SLC25A48: variants seen among roughly 807,000 people sequenced by gnomAD.
The protein encoded by SLC25A48 is solute carrier family 25 member 48, also known as CTC-321K16.1.
SLC25A48 carries 29 observed loss-of-function variants against 32.2 expected under a neutral mutation model. The ratio of observed to expected loss-of-function variants is 0.90; its 90% CI spans 0.67 to 1.23. The LOEUF (loss-of-function observed/expected upper bound fraction) is 1.23, where lower values mean the gene tolerates loss of function less well. SLC25A48 is among the 50% of genes most tolerant of loss of function. SLC25A48 has a pLI of 0.00. For missense variants in SLC25A48, 399 were observed against 422.7 expected (o/e 0.94, Z 0.49); for synonymous variants, 164 against 172.3 (o/e 0.95, Z 0.38).
intron 3 of SLC25A48, among the ~76,000 whole-genome samples, chr5:135,701,789 C>G (rs1391684645): frequency 6.6e-6 from 1 of 152,164 alleles, no homozygotes; most frequent in East Asian, 1.9e-4. Context: ...TGGGTGAACT[C>G]GAGATGGAAC....
chr5:135,819,900 G>A (rs984873250), intron 4 of SLC25A48, among the ~76,000 whole-genome samples: 1 of 152,048 alleles, frequency 6.6e-6, no homozygotes, highest in African/African-American at 2.4e-5. Context: ...CACGAGAATG[G>A]CAGAAGTTAA....
At chr5:135,756,530 G>C (rs547813360) in intron 3 of SLC25A48, among the ~76,000 whole-genome samples, 2 of 152,012 alleles carry the variant, frequency 1.3e-5, no homozygotes, top group African/African-American at 2.4e-5. Context: ...AATTATCTGG[G>C]CGTGGTGGTG....
At chr5:135,718,889 G>A (rs1194406090) in intron 3 of SLC25A48, among the ~76,000 whole-genome samples, 1 of 152,242 alleles carries the variant, frequency 6.6e-6, no homozygotes, top group Non-Finnish European at 1.5e-5. Context: ...GGGCCCTGTG[G>A]CTTTGGAGCT....
chr5:135,601,920 A>C (rs897139035), intron 1 of SLC25A48, among the ~76,000 whole-genome samples: 29 of 152,290 alleles, frequency 1.9e-4, no homozygotes, highest in African/African-American at 6.3e-4. Flanking sequence ...TCTTTTTATA[A>C]AACATGGTTA....
At chr5:135,619,173 T>A (rs1752263616) in intron 1 of SLC25A48, among the ~76,000 whole-genome samples, 1 of 152,140 alleles carries the variant, frequency 6.6e-6, no homozygotes, top group African/African-American at 2.4e-5. Context: ...TCACAAACAC[T>A]TTGTTCCTCA....
At chr5:135,842,980 C>A (rs1348874782) in intron 2 of SLC25A48, among the ~76,000 whole-genome samples, 2 of 152,214 alleles carry the variant, frequency 1.3e-5, no homozygotes, top group African/African-American at 4.8e-5. Context: ...ATTTCTAAAG[C>A]TCTGCCTGGA....
intron 1 of SLC25A48, among the ~76,000 whole-genome samples, chr5:135,841,662 G>T (rs1759000123): frequency 6.6e-6 from 1 of 151,826 alleles, no homozygotes; most frequent in Admixed American, 6.6e-5. Context: ...AGAAAATCTG[G>T]CTAGGGTGGT....
chr5:135,623,316 G>A (rs2126900476), intron 1 of SLC25A48, among the ~76,000 whole-genome samples: 1 of 152,296 alleles, frequency 6.6e-6, no homozygotes, highest in African/African-American at 2.4e-5. Context: ...CTAGCTCCAG[G>A]ATCCTGGTTG....
At chr5:135,740,946 C>T (rs1755489378) in intron 3 of SLC25A48, among the ~76,000 whole-genome samples, 1 of 152,214 alleles carries the variant, frequency 6.6e-6, no homozygotes, top group South Asian at 2.1e-4. Context: ...TTTGGGTGGG[C>T]TACAAACTCA....
At chr5:135,761,542 C>A (rs756307926) in intron 3 of SLC25A48, among the ~76,000 whole-genome samples, 1 of 152,098 alleles carries the variant, frequency 6.6e-6, no homozygotes. Flanking sequence ...ATAAAACTAA[C>A]CAAAAATGTA....
At chr5:135,850,346 C>G (rs1484281248) in intron 2 of SLC25A48, 79 bp from the exon 3 acceptor site, 5 of 1,453,278 alleles carry the variant, frequency 3.4e-6, no homozygotes, top group Admixed American at 3.4e-5. Flanking sequence ...TGAGCAGGGC[C>G]TTTCCCTCTG....
chr5:135,846,941 A>G (rs1381477224), intron 2 of SLC25A48, among the ~76,000 whole-genome samples: 1 of 152,236 alleles, frequency 6.6e-6, no homozygotes, highest in Non-Finnish European at 1.5e-5. Context: ...TGTACATTAA[A>G]TATATACAAT....
At chr5:135,693,707 G>C (rs1331074277) in intron 3 of SLC25A48, among the ~76,000 whole-genome samples, 2 of 152,222 alleles carry the variant, frequency 1.3e-5, no homozygotes, top group African/African-American at 2.4e-5. Context: ...GTGAAACATA[G>C]CTGCCCTCCT....
intron 3 of SLC25A48, among the ~76,000 whole-genome samples, chr5:135,696,687 A>G (rs893147571): frequency 2.0e-5 from 3 of 152,186 alleles, no homozygotes; most frequent in Non-Finnish European, 4.4e-5. Context: ...AAACTCTGCC[A>G]CATTGTCCCA....
chr5:135,684,817 G>A (rs931973091), intron 3 of SLC25A48, among the ~76,000 whole-genome samples: 15 of 152,284 alleles, frequency 9.9e-5, no homozygotes, highest in African/African-American at 3.4e-4. Context: ...TGTGGGTATA[G>A]CATATTTTAC....
At chr5:135,880,229 G>A in intron 7 of SLC25A48, 132 bp downstream of exon 7, 4 of 1,299,574 alleles carry the variant, frequency 3.1e-6, no homozygotes, top group South Asian at 1.6e-5. Context: ...TGGTAGGCTG[G>A]GGCTGCCACC....
In SLC25A48 at chr5:135,868,496, T is replaced by C. The variant is rs1761379053; in HGVS notation, c.422-2965T>C. Among the ~76,000 whole-genome samples the C allele has an allele frequency of 2.6e-5, 4 of 152,238 alleles. No individual in the cohort carries two copies. The South Asian group carries it at 6.2e-4, about 24-fold the overall frequency. On this transcript the variant is annotated intron_variant, in intron 4 of 7. Transcript: ENST00000681962. ...GATTAAAGTATTGTCAAAGTAGCTA[T>C]ATGAAACTGGTAATTGTGCTATAGT...
chr5:135,844,215 C>T (rs1168964167), intron 2 of SLC25A48, among the ~76,000 whole-genome samples: 1 of 152,186 alleles, frequency 6.6e-6, no homozygotes, highest in East Asian at 1.9e-4. Flanking sequence ...GGGCTGGGCA[C>T]AGCCTCCCTG....
chr5:135,852,123 C>T (rs1037044662), intron 3 of SLC25A48, among the ~76,000 whole-genome samples: 2 of 152,130 alleles, frequency 1.3e-5, no homozygotes, highest in African/African-American at 4.8e-5. Flanking sequence ...GCTGTTTCTT[C>T]CTTATGGTTG....
Sources: allele counts gnomAD v4.1 joint callset (sites outside exome capture counted in the v4.1 genomes callset), GRCh38; gene constraint gnomAD v4.1.1; transcripts MANE v1.5; gene names NCBI Gene and HGNC (gene_info 2026-07-23, HGNC 2026-07-21).